Variants in DOCK3 observed in about 807,000 individuals in gnomAD.
DOCK3 encodes the protein dedicator of cytokinesis 3.
A neutral mutation model predicts 265.6 loss-of-function variants in DOCK3; 60 were observed. The ratio of observed to expected loss-of-function variants is 0.23; its 90% CI spans 0.18 to 0.28. The LOEUF (loss-of-function observed/expected upper bound fraction) is 0.28, where lower values mean the gene tolerates loss of function less well. Ranked by LOEUF, DOCK3 falls within the 10% of genes least tolerant of loss-of-function variation. DOCK3 has a pLI of 1.00. For synonymous variants in DOCK3, 881 were observed against 938.0 expected, an observed-to-expected ratio of 0.94 and a Z score of 1.11; for missense variants, 1,981 against 2,594.3, an observed-to-expected ratio of 0.76 and a Z score of 5.14.
chr3:50,778,099 T>C (rs1404799029), intron 1 of DOCK3, among the ~76,000 whole-genome samples: 1 of 152,160 alleles, frequency 6.6e-6, no homozygotes, highest in Non-Finnish European at 1.5e-5. Flanking sequence ...TTCTTTATTC[T>C]TTGTATTCTT....
chr3:50,872,405 T>C (rs1000862505), intron 3 of DOCK3, among the ~76,000 whole-genome samples: 4 of 152,242 alleles, frequency 2.6e-5, no homozygotes, highest in African/African-American at 9.6e-5. Flanking sequence ...TCTCTCTCTC[T>C]GTTTCGAGTC....
chr3:51,332,971 C>G (rs1250689609), intron 33 of DOCK3, 30 bp from the exon 34 acceptor site: 1 of 1,613,748 alleles, frequency 6.2e-7, no homozygotes, highest in African/African-American at 1.3e-5. Flanking sequence ...CAGTAACCTC[C>G]TTATCTTTGC....
rs565383051 is a variant in DOCK3 at position 50,729,394 on chromosome 3, A to T, written c.38-49281A>T. Among the ~76,000 whole-genome samples the T allele has an allele frequency of 7.4e-3, 1,086 of 146,166 alleles. 7 individuals carry two copies. The highest frequency in any genetic ancestry group is 0.01 in the African/African-American group (418 of 39,832). On this transcript the variant is annotated intron_variant, in intron 1 of 52. Coordinates refer to ENST00000266037, the MANE Select transcript of DOCK3 (RefSeq NM_004947.5). Reference sequence around the variant, plus strand: ...TTTATTTATTTTTATTTATTTATTTATTTTATTATTATACTTTAAGTTTTA... The same window carrying T: ...TTTATTTATTTTTATTTATTTATTTTTTTTATTATTATACTTTAAGTTTTA...
intron 12 of DOCK3, among the ~76,000 whole-genome samples, chr3:51,196,644 T>C (rs988741561): frequency 6.6e-6 from 1 of 152,234 alleles, no homozygotes; most frequent in Non-Finnish European, 1.5e-5. Flanking sequence ...TGTTCTGAGA[T>C]TCTTCTGCCT....
chr3:51,328,865 C>T (rs1037444804), intron 32 of DOCK3, among the ~76,000 whole-genome samples: 2 of 151,846 alleles, frequency 1.3e-5, no homozygotes, highest in Non-Finnish European at 2.9e-5. Flanking sequence ...TAAAGGTTAA[C>T]AAAGGGGTCC....
intron 1 of DOCK3, among the ~76,000 whole-genome samples, chr3:50,768,187 C>T (rs1475928943): frequency 9.2e-5 from 14 of 152,072 alleles, no homozygotes; most frequent in African/African-American, 3.4e-4. Context: ...CATCCCTGTC[C>T]TATGCCAGTT....
intron 4 of DOCK3, among the ~76,000 whole-genome samples, chr3:50,902,403 G>T (rs141383067): frequency 0.02 from 2,971 of 152,280 alleles, 36 homozygotes; most frequent in Non-Finnish European, 0.029. Context: ...CATATGGCTA[G>T]CCGGTTCTCC....
intron 12 of DOCK3, among the ~76,000 whole-genome samples, chr3:51,169,676 C>T (rs957462281): frequency 6.6e-6 from 1 of 151,704 alleles, no homozygotes; most frequent in Admixed American, 6.6e-5. Context: ...TCTGTACAGC[C>T]AACCCTTATG....
At chr3:51,364,350 G>A (rs917638917) in intron 49 of DOCK3, among the ~76,000 whole-genome samples, 2 of 152,074 alleles carry the variant, frequency 1.3e-5, no homozygotes, top group Non-Finnish European at 2.9e-5. Context: ...TTTTTTTATT[G>A]TAAATTTGTT....
chr3:50,899,300 C>G (rs901603473), intron 4 of DOCK3, among the ~76,000 whole-genome samples: 1 of 152,050 alleles, frequency 6.6e-6, no homozygotes, highest in Non-Finnish European at 1.5e-5. Context: ...GGACTGCAAC[C>G]TCTGTTTTTT....
At chr3:51,283,452 C>A (rs925780897) in intron 27 of DOCK3, among the ~76,000 whole-genome samples, 1 of 152,206 alleles carries the variant, frequency 6.6e-6, no homozygotes, top group African/African-American at 2.4e-5. Context: ...TATGGGCACA[C>A]AAGGACTTCC....
chr3:50,863,944 C>T (rs540902925), intron 3 of DOCK3, among the ~76,000 whole-genome samples: 5 of 152,324 alleles, frequency 3.3e-5, no homozygotes, highest in African/African-American at 1.2e-4. Flanking sequence ...CTATCGTCCA[C>T]ACACTCATTT....
intron 12 of DOCK3, among the ~76,000 whole-genome samples, chr3:51,164,010 T>A (rs578114855): frequency 6.6e-6 from 1 of 152,304 alleles, no homozygotes; most frequent in Admixed American, 6.5e-5. Context: ...TTATTTTTAC[T>A]CCCACCAGAT....
chr3:51,044,468 C>CGACT (rs1455354250), intron 5 of DOCK3, among the ~76,000 whole-genome samples: 3 of 151,614 alleles, frequency 2.0e-5, no homozygotes, highest in Non-Finnish European at 4.4e-5. Context: ...TCAGGAAAAA[C>CGACT]GACTAATGGG....
intron 49 of DOCK3, among the ~76,000 whole-genome samples, chr3:51,373,570 G>A (rs1007652789): frequency 2.6e-5 from 4 of 152,188 alleles, no homozygotes; most frequent in African/African-American, 7.2e-5. Context: ...TAAGGACCAT[G>A]GGTTGACAAG....
At chr3:51,090,020 C>G (rs1331061033) in intron 8 of DOCK3, among the ~76,000 whole-genome samples, 1 of 151,218 alleles carries the variant, frequency 6.6e-6, no homozygotes, top group African/African-American at 2.4e-5. Context: ...TATATTTCTT[C>G]ACTGTTTACT....
intron 5 of DOCK3, among the ~76,000 whole-genome samples, chr3:51,026,314 C>A (rs1282534412): frequency 3.3e-5 from 5 of 151,880 alleles, no homozygotes; most frequent in African/African-American, 1.2e-4. Context: ...ATCCTTGCAT[C>A]TCAGGAATAA....
At chr3:51,128,674 A>G (rs1001299362) in intron 9 of DOCK3, among the ~76,000 whole-genome samples, 1 of 152,206 alleles carries the variant, frequency 6.6e-6, no homozygotes. Context: ...GAGGTCCAAT[A>G]TAATCAACCT....
chr3:51,260,425 A>C, intron 23 of DOCK3, 99 bp downstream of exon 23: 2 of 1,342,398 alleles, frequency 1.5e-6, no homozygotes, highest in Non-Finnish European at 2.0e-6. Flanking sequence ...CCCTGCCAGG[A>C]TCATGTGTGT....
Sources: gnomAD v4.1 joint callset for allele counts (sites outside exome capture counted in the v4.1 genomes callset) on GRCh38, gnomAD v4.1.1 for gene constraint, MANE v1.5 for transcripts, NCBI Gene and HGNC (gene_info 2026-07-23, HGNC 2026-07-21) for gene names.